TLL1: variants seen among roughly 807,000 people sequenced by gnomAD.
TLL1 encodes tolloid like 1.
Under a neutral mutation model 128.2 loss-of-function variants are expected in TLL1, and 49 were observed. The ratio of observed to expected loss-of-function variants is 0.38; its 90% CI spans 0.30 to 0.48. The LOEUF (loss-of-function observed/expected upper bound fraction) is 0.48, where lower values mean the gene tolerates loss of function less well. TLL1 is among the 20% of genes least tolerant of loss of function. TLL1 has a pLI of 0.96. For synonymous variants in TLL1, 454 were observed against 418.8 expected, an observed-to-expected ratio of 1.08 and a Z score of -1.03; for missense variants, 1,123 against 1,242.0, an observed-to-expected ratio of 0.90 and a Z score of 1.44.
intron 18 of TLL1, among the ~76,000 whole-genome samples, chr4:166,088,141 A>C (rs1741607603): frequency 6.6e-6 from 1 of 152,170 alleles, no homozygotes; most frequent in African/African-American, 2.4e-5. Context: ...AGCTTTATAC[A>C]TTCAGCCTTG....
intron 1 of TLL1, among the ~76,000 whole-genome samples, chr4:165,882,520 G>T (rs1054522896): frequency 2.6e-5 from 4 of 152,094 alleles, no homozygotes; most frequent in African/African-American, 7.2e-5. Flanking sequence ...ATGCAGTGTA[G>T]CTGGCAGGCA....
chr4:165,904,086 T>G lies in TLL1; in HGVS notation c.169+30013T>G, dbSNP rs28583095. On this transcript the variant is annotated intron_variant, in intron 1 of 20. Coordinates refer to ENST00000061240, the MANE Select transcript of TLL1 (RefSeq NM_012464.5). ...TGTAATTTTTTTTTATATGGCATCT[T>G]TTTCAAAAAAGTCTGTATTAATGTT... is the stretch of plus-strand genomic sequence containing the variant. Among the ~76,000 whole-genome samples, 1,027 of 152,268 alleles carry G rather than the reference T, an allele frequency of 6.7e-3. 20 individuals carry two copies. The highest frequency in any genetic ancestry group is 0.024 in the African/African-American group (997 of 41,556).
chr4:166,007,836 A>T, intron 6 of TLL1, 107 bp from the exon 7 acceptor site: 1 of 763,448 alleles, frequency 1.3e-6, no homozygotes, highest in Non-Finnish European at 2.4e-6. Context: ...TTCGATCAGC[A>T]AGATCAGTCA....
chr4:165,919,751 G>C (rs1220800295), intron 1 of TLL1: 3 of 452,592 alleles, frequency 6.6e-6, no homozygotes, highest in Non-Finnish European at 1.3e-5. Context: ...CATGTGGCCA[G>C]ACGTGGATGC....
chr4:165,921,030 A>C (rs1733018194), intron 1 of TLL1, among the ~76,000 whole-genome samples: 1 of 152,006 alleles, frequency 6.6e-6, no homozygotes, highest in African/African-American at 2.4e-5. Context: ...AGAGCGTGGA[A>C]CATGCAGTTC....
chr4:166,093,735 G>C (rs1483611105), intron 19 of TLL1, among the ~76,000 whole-genome samples: 5 of 152,108 alleles, frequency 3.3e-5, no homozygotes, highest in African/African-American at 4.8e-5. Flanking sequence ...GACAATACCC[G>C]GCTTTCCAAG....
chr4:166,019,499 G>C (rs1438493363), intron 8 of TLL1, among the ~76,000 whole-genome samples: 3 of 152,246 alleles, frequency 2.0e-5, no homozygotes, highest in African/African-American at 7.2e-5. Context: ...TTTAATGCCA[G>C]CTTTTTTTTC....
At chr4:165,978,215 G>A (rs889293034) in intron 1 of TLL1, among the ~76,000 whole-genome samples, 1 of 151,904 alleles carries the variant, frequency 6.6e-6, no homozygotes, top group Non-Finnish European at 1.5e-5. Flanking sequence ...TTTTTATTGG[G>A]GAGTTTTTTG....
At chr4:165,995,925 C>A (rs1445242314) in intron 5 of TLL1, among the ~76,000 whole-genome samples, 1 of 151,874 alleles carries the variant, frequency 6.6e-6, no homozygotes, top group Non-Finnish European at 1.5e-5. Flanking sequence ...TATTTTATTG[C>A]CTAATATCTG....
intron 1 of TLL1, among the ~76,000 whole-genome samples, chr4:165,939,246 C>T (rs753956726): frequency 1.1e-3 from 165 of 152,106 alleles, no homozygotes; most frequent in Non-Finnish European, 1.6e-3. Flanking sequence ...GAGAAATAGC[C>T]ACCAATGTCC....
chr4:165,984,783 A>C lies in TLL1; in HGVS notation c.170-4598A>C, dbSNP rs753002701. On this transcript the variant is annotated intron_variant, in intron 1 of 20. Coordinates refer to ENST00000061240, the MANE Select transcript of TLL1 (RefSeq NM_012464.5). ...AAGGGGACACAATTCCTATAATTACACTTAATAATATATGTCACTAAAATC... is the reference window on the plus strand; with the variant it reads ...AAGGGGACACAATTCCTATAATTACCCTTAATAATATATGTCACTAAAATC... Among the ~76,000 whole-genome samples, 58 of 151,956 alleles carry C rather than the reference A, an allele frequency of 3.8e-4. 1 individual carries two copies. Among genetic ancestry groups the C allele is most frequent in the Non-Finnish European group, 1.3e-4 (9 of 67,914 alleles).
At chr4:165,909,948 T>G (rs554781560) in intron 1 of TLL1, among the ~76,000 whole-genome samples, 1 of 152,186 alleles carries the variant, frequency 6.6e-6, no homozygotes, top group Non-Finnish European at 1.5e-5. Flanking sequence ...CTTTATAAAT[T>G]TCTAGAATGA....
chr4:165,945,055 T>G (rs1286595772), intron 1 of TLL1, among the ~76,000 whole-genome samples: 1 of 152,118 alleles, frequency 6.6e-6, no homozygotes, highest in Non-Finnish European at 1.5e-5. Flanking sequence ...GGATAAAGCT[T>G]GAGAAATTCA....
Position 166,065,733 on chromosome 4 carries a change from T to G in TLL1, c.2058T>G (p.Ser686=), listed in dbSNP as rs751117338. ...VEIWSGLSSE[S]KLHGKFCGAE... Reference sequence around the variant, plus strand: ...TCTGGAGTGGTCTTTCCTCTGAGTCTAAACTGCATGGCAAATTCTGTGGCG... The same window carrying G: ...TCTGGAGTGGTCTTTCCTCTGAGTCGAAACTGCATGGCAAATTCTGTGGCG... The change falls in exon 16 of 21, where the codon TCT becomes TCG. Residue 686 remains serine, a synonymous_variant. Transcript: ENST00000061240. 138 of 1,611,570 alleles carry G rather than the reference T, an allele frequency of 8.6e-5. 1 individual carries two copies. In the Admixed American group the frequency reaches 2.3e-3, roughly 27 times the overall value.
At chr4:166,081,686 G>A (rs1181857162) in intron 18 of TLL1, among the ~76,000 whole-genome samples, 1 of 151,840 alleles carries the variant, frequency 6.6e-6, no homozygotes, top group East Asian at 1.9e-4. Flanking sequence ...CTGACATTCA[G>A]TAGACTTCAG....
chr4:166,065,695 G>T lies in TLL1; in HGVS notation c.2020G>T (p.Asp674Tyr). 1 of 1,612,886 alleles carries T rather than the reference G, an allele frequency of 6.2e-7. No individual in the cohort carries two copies. Among genetic ancestry groups the T allele is most frequent in the Non-Finnish European group, 8.5e-7 (1 of 1,179,226 alleles). The change falls in exon 16 of 21, where the codon GAT becomes TAT. Residue 674 changes from aspartate to tyrosine, a missense_variant. Physicochemically the swap from Asp to Tyr is radical, Grantham distance 160 (BLOSUM62 -3). Transcript: ENST00000061240. ...ELEGNEVCKY[D>Y]YVEIWSGLSS... is the part of the protein sequence containing the mutation. ...CATTTTTTTCTAGGTTTGCAAATAT[G>T]ATTATGTGGAGATCTGGAGTGGTCT...
intron 1 of TLL1, among the ~76,000 whole-genome samples, chr4:165,961,775 G>T (rs1735116793): frequency 6.6e-6 from 1 of 152,088 alleles, no homozygotes; most frequent in Non-Finnish European, 1.5e-5. Flanking sequence ...ATATGCAGAA[G>T]AATGAAACTT....
rs140773283 is a variant in TLL1 at position 165,963,738 on chromosome 4, G to T, written c.170-25643G>T. ...TCAACAGATAACACACTCTGTCTTC[G>T]CCTGGTAGGATAGAAGAGAACATGT... is the stretch of plus-strand genomic sequence containing the variant. On this transcript the variant is annotated intron_variant, in intron 1 of 20. Transcript: ENST00000061240. 4.9e-3 allele frequency among the ~76,000 whole-genome samples: 751 copies of T among 152,152 alleles called. 5 individuals are homozygous for T. Among genetic ancestry groups the T allele is most frequent in the Non-Finnish European group, 5.5e-3 (373 of 68,002 alleles).
rs75309162 is a variant in TLL1 at position 165,881,367 on chromosome 4, C to T, written c.169+7294C>T. On this transcript the variant is annotated intron_variant, in intron 1 of 20. Coordinates refer to ENST00000061240, the MANE Select transcript of TLL1 (RefSeq NM_012464.5). The stretch of plus-strand genomic sequence containing the variant: ...CCATCAATTAACATTATCCCTCCTT[C>T]TGGATACGTGAGGAAAACAGGCAAG... 3.3e-3 allele frequency among the ~76,000 whole-genome samples: 503 copies of T among 152,334 alleles called. 9 individuals carry two copies. The highest frequency in any genetic ancestry group is 0.011 in the African/African-American group (474 of 41,588).
Sources: gnomAD v4.1 joint callset for allele counts (sites outside exome capture counted in the v4.1 genomes callset) on GRCh38, gnomAD v4.1.1 for gene constraint, MANE v1.5 for transcripts, NCBI Gene and HGNC (gene_info 2026-07-23, HGNC 2026-07-21) for gene names.